The following ERICH6B variants were observed in gnomAD, a reference collection of about 807,000 sequenced individuals.
ERICH6B encodes glutamate-rich protein 6B.
ERICH6B carries 69 observed loss-of-function variants against 80.0 expected under a neutral mutation model. The observed-to-expected ratio is 0.86, with a 90% CI of 0.71 to 1.05. The LOEUF is 1.05. Among genes scored for constraint, ERICH6B ranks in the 50% least tolerant of loss-of-function variants. ERICH6B has a pLI of 0.00. For synonymous variants in ERICH6B, 283 were observed against 291.9 expected (o/e 0.97, Z 0.31); for missense variants, 754 against 796.1 (o/e 0.95, Z 0.64).
chr13:45,586,028 A>T (rs1196769055), intron 5 of ERICH6B, among the ~76,000 whole-genome samples: 2 of 151,386 alleles, frequency 1.3e-5, no homozygotes, highest in Admixed American at 6.6e-5. Flanking sequence ...GACTTTCAGA[A>T]TCCTTCTTAT....
intron 7 of ERICH6B, among the ~76,000 whole-genome samples, chr13:45,577,276 C>CTTTTTTTTTTTTTTTTTTTTTT (rs34244794): frequency 2.9e-4 from 25 of 86,086 alleles, no homozygotes; most frequent in South Asian, 1.1e-3. Context: ...AAAAACAAAT[C>CTTTTTTTTTTTTTTTTTTTTTT]TTTTTTTTTT....
chr13:45,564,610 G>T (rs570622584), intron 9 of ERICH6B, among the ~76,000 whole-genome samples: 1 of 152,322 alleles, frequency 6.6e-6, no homozygotes, highest in African/African-American at 2.4e-5. Flanking sequence ...ACAGAGCAAT[G>T]GTTCCCTTAT....
intron 11 of ERICH6B, among the ~76,000 whole-genome samples, chr13:45,556,775 G>T (rs1334312571): frequency 1.3e-5 from 2 of 151,678 alleles, no homozygotes; most frequent in African/African-American, 4.8e-5. Flanking sequence ...ATATATATGT[G>T]TGTGTATATA....
chr13:45,557,391 T>C (rs1247886105), intron 11 of ERICH6B, among the ~76,000 whole-genome samples: 1 of 152,266 alleles, frequency 6.6e-6, no homozygotes, highest in East Asian at 1.9e-4. Context: ...GTCCTTTTAC[T>C]CTGCTGACTG....
intron 5 of ERICH6B, 145 bp downstream of exon 5, chr13:45,586,918 G>T: frequency 1.1e-6 from 1 of 871,166 alleles, no homozygotes; most frequent in Non-Finnish European, 1.7e-6. Flanking sequence ...CCCAAAATGA[G>T]ACCTCAGAGG....
At chr13:45,597,866 T>C (rs372323545) in intron 2 of ERICH6B, among the ~76,000 whole-genome samples, 93 of 152,258 alleles carry the variant, frequency 6.1e-4, no homozygotes, top group African/African-American at 2.2e-3. Flanking sequence ...CTTCCACTCC[T>C]CCTCCTCTCC....
chr13:45,545,167 C>T (rs1222046952), intron 13 of ERICH6B, among the ~76,000 whole-genome samples, 182 bp from the exon 14 acceptor site: 1 of 152,214 alleles, frequency 6.6e-6, no homozygotes, highest in African/African-American at 2.4e-5. Flanking sequence ...CTGCGCTGGC[C>T]TCACCATATG....
chr13:45,555,696 T>C (rs1466509175), intron 11 of ERICH6B, among the ~76,000 whole-genome samples: 1 of 151,860 alleles, frequency 6.6e-6, no homozygotes, highest in Non-Finnish European at 1.5e-5. Flanking sequence ...ATCCCCGAGA[T>C]GCACTTTGAA....
chr13:45,550,048 G>A lies in ERICH6B; in HGVS notation c.1494-3C>T, dbSNP rs1874153633. The stretch of plus-strand genomic sequence containing the variant: ...TAGCCAGGTTTCCTGATGGATAACT[G>A]GGAGAAGGTTAAGGCACAAGTAGTC... On this transcript the variant is annotated splice_region_variant and splice_polypyrimidine_tract_variant and intron_variant, in intron 12 of 14. Transcript: ENST00000298738. 6.4e-7 allele frequency: 1 copy of A among 1,551,478 alleles called. No homozygotes were observed. The highest frequency in any genetic ancestry group is 8.7e-7 in the Non-Finnish European group (1 of 1,147,054).
chr13:45,542,647 C>T (rs534055905), intron 14 of ERICH6B, among the ~76,000 whole-genome samples: 33 of 152,302 alleles, frequency 2.2e-4, no homozygotes, highest in Non-Finnish European at 4.3e-4. Flanking sequence ...ATTCAAAGGC[C>T]GGTGCCCCAG....
chr13:45,600,081 T>C (rs141299274), intron 2 of ERICH6B, among the ~76,000 whole-genome samples: 81 of 152,282 alleles, frequency 5.3e-4, no homozygotes, highest in African/African-American at 1.9e-3. Context: ...ACGGAAAGCT[T>C]TGGGACCCAA....
At chr13:45,554,405 C>G (rs1180851455) in intron 11 of ERICH6B, among the ~76,000 whole-genome samples, 1 of 152,156 alleles carries the variant, frequency 6.6e-6, no homozygotes, top group Non-Finnish European at 1.5e-5. Flanking sequence ...TTGTATTTTA[C>G]CCACAGTTGG....
At chr13:45,556,101 C>T (rs1021845681) in intron 11 of ERICH6B, among the ~76,000 whole-genome samples, 1 of 151,528 alleles carries the variant, frequency 6.6e-6, no homozygotes, top group Non-Finnish European at 1.5e-5. Flanking sequence ...TCTCTCTCAG[C>T]CCAGCTGGAG....
rs1488013357 is a variant in ERICH6B, at chr13:45,601,642, G to A, written c.-58-4579C>T. Among the ~76,000 whole-genome samples, 4 of 152,248 alleles carry A rather than the reference G, an allele frequency of 2.6e-5. No individual in the cohort carries two copies. The South Asian group carries it at 8.3e-4, about 32-fold the overall frequency. On this transcript the variant is annotated intron_variant, in intron 2 of 14. Coordinates refer to ENST00000298738, the MANE Select transcript of ERICH6B (RefSeq NM_182542.3). Reference sequence around the variant, plus strand: ...ATGGCATGCCATCATTCCGGGTGACGGGTCTTTTCTTCCTATTTTCTCATC... The same window carrying A: ...ATGGCATGCCATCATTCCGGGTGACAGGTCTTTTCTTCCTATTTTCTCATC...
intron 11 of ERICH6B, chr13:45,553,202 C>T (rs1874295707): frequency 4.5e-6 from 1 of 222,544 alleles, no homozygotes; most frequent in South Asian, 5.6e-5. Flanking sequence ...TCTGGAAAAG[C>T]AGTTGTCCAA....
intron 5 of ERICH6B, among the ~76,000 whole-genome samples, chr13:45,583,728 T>C (rs1201232781): frequency 1.3e-5 from 2 of 152,196 alleles, no homozygotes; most frequent in Non-Finnish European, 2.9e-5. Context: ...AGGGGAAACT[T>C]CTTTCGTTTG....
chr13:45,606,961 G>A lies in ERICH6B; in HGVS notation c.-59+603C>T, dbSNP rs563607886. Among the ~76,000 whole-genome samples, 110 of 152,162 alleles carry A rather than the reference G, an allele frequency of 7.2e-4. 1 individual carries two copies. The South Asian group carries it at 0.012, about 17-fold the overall frequency. ...AGGTTCCTTTCTACCCTGTGTTTCT[G>A]AGACTAACTATCCCTTGTTCAAAAT... On this transcript the variant is annotated intron_variant, in intron 2 of 14. Coordinates refer to ENST00000298738, the MANE Select transcript of ERICH6B (RefSeq NM_182542.3).
At chr13:45,541,753 C>T in intron 14 of ERICH6B, 73 bp from the exon 15 acceptor site, 1 of 1,391,958 alleles carries the variant, frequency 7.2e-7, no homozygotes. Context: ...CAGGCCAGAT[C>T]TCCTGTGGCC....
At chr13:45,542,128 C>G (rs1432113334) in intron 14 of ERICH6B, among the ~76,000 whole-genome samples, 1 of 152,160 alleles carries the variant, frequency 6.6e-6, no homozygotes, top group Non-Finnish European at 1.5e-5. Flanking sequence ...GAGATGAAGG[C>G]CTGGCCCAGG....
Sources: gnomAD v4.1 joint callset for allele counts (sites outside exome capture counted in the v4.1 genomes callset) on GRCh38, gnomAD v4.1.1 for gene constraint, MANE v1.5 for transcripts, NCBI Gene and HGNC (gene_info 2026-07-23, HGNC 2026-07-21) for gene names.